Variants in ITIH5 observed in about 807,000 individuals in gnomAD.
ITIH5 encodes the protein inter-alpha-trypsin inhibitor heavy chain H5.
ITIH5 carries 65 observed loss-of-function variants against 77.5 expected under a neutral mutation model. The observed-to-expected ratio is 0.84, with a 90% CI of 0.69 to 1.03. The LOEUF is 1.03. Ranked by LOEUF, ITIH5 falls within the 50% of genes least tolerant of loss-of-function variation. ITIH5 has a pLI of 0.00. For synonymous variants in ITIH5, 525 were observed against 494.3 expected (o/e 1.06, Z -0.82); for missense variants, 1,208 against 1,213.1 (o/e 1.00, Z 0.06).
At chr10:7,587,891 G>A (rs1339465805) in intron 7 of ITIH5, among the ~76,000 whole-genome samples, 1 of 152,090 alleles carries the variant, frequency 6.6e-6, no homozygotes, top group Admixed American at 6.6e-5. Context: ...CAGACAGATG[G>A]CCCCGTCGGC....
chr10:7,600,096 G>A (rs970566555), intron 7 of ITIH5, among the ~76,000 whole-genome samples: 2 of 152,194 alleles, frequency 1.3e-5, no homozygotes, highest in Non-Finnish European at 2.9e-5. Flanking sequence ...AGATCTATGG[G>A]GAAGGAGGGT....
At chr10:7,575,103 C>T (rs1221139059) in intron 10 of ITIH5, among the ~76,000 whole-genome samples, 2 of 152,222 alleles carry the variant, frequency 1.3e-5, no homozygotes, top group South Asian at 2.1e-4. Flanking sequence ...ATTGCAACCT[C>T]GCTATCAGGG....
intron 5 of ITIH5, among the ~76,000 whole-genome samples, chr10:7,633,581 C>T (rs1340998701): frequency 1.3e-5 from 2 of 151,738 alleles, no homozygotes; most frequent in Non-Finnish European, 2.9e-5. Flanking sequence ...TATTTCTATC[C>T]ATAATTAAAT....
intron 7 of ITIH5, among the ~76,000 whole-genome samples, chr10:7,590,319 T>C (rs1018280054): frequency 6.6e-6 from 1 of 152,208 alleles, no homozygotes; most frequent in Admixed American, 6.5e-5. Context: ...CCTGTGACCA[T>C]AAACTGATAT....
In ITIH5 at chr10:7,563,297, C is replaced by A; in HGVS notation, c.2615G>T (p.Gly872Val). The change falls in exon 14 of 14, where the codon GGA becomes GTA. Residue 872 changes from glycine to valine, a missense_variant. Transcript: ENST00000397146. Reference sequence around the variant, plus strand: ...TGTTAGGACGGCCTCAGGCCCCTCTCCCACCTGAAGGAGCAGAGGGTGAGT... The same window carrying A: ...TGTTAGGACGGCCTCAGGCCCCTCTACCACCTGAAGGAGCAGAGGGTGAGT... ...NLTHPLLLQV[G>V]EGPEAVLTVK... is the part of the protein sequence containing the mutation. 6.2e-7 allele frequency: 1 copy of A among 1,614,010 alleles called. No homozygotes were observed. The highest frequency in any genetic ancestry group is 8.5e-7 in the Non-Finnish European group (1 of 1,179,866).
At chr10:7,649,252 TTTCTTCTTTCTTCCCCC>T (rs1030757701) in intron 2 of ITIH5, among the ~76,000 whole-genome samples, 17 of 152,010 alleles carry the variant, frequency 1.1e-4, no homozygotes, top group African/African-American at 4.1e-4. Context: ...TTCTTCCTCC[TTTCTTCTTTCTTCCCCC>T]TTCTTCTTCT....
At chr10:7,646,159 T>C (rs1318124013) in intron 2 of ITIH5, among the ~76,000 whole-genome samples, 1 of 152,252 alleles carries the variant, frequency 6.6e-6, no homozygotes, top group African/African-American at 2.4e-5. Context: ...TGCACCCAGC[T>C]CTGATTTCTA....
intron 7 of ITIH5, among the ~76,000 whole-genome samples, chr10:7,595,307 C>T (rs1564250850): frequency 6.6e-6 from 1 of 151,086 alleles, no homozygotes; most frequent in Non-Finnish European, 1.5e-5. Context: ...TTTTGAAAAT[C>T]GCGCCCAGAT....
At chr10:7,567,176 A>C (rs1337115562) in intron 12 of ITIH5, among the ~76,000 whole-genome samples, 1 of 151,958 alleles carries the variant, frequency 6.6e-6, no homozygotes, top group African/African-American at 2.4e-5. Flanking sequence ...TGGAGGCATG[A>C]AGCTAAGTAT....
At position 7,576,953 on chromosome 10, in the gene ITIH5, C is replaced by T. The variant is rs780071115; in HGVS notation, c.1478G>A (p.Ser493Asn). Residue 493 changes from serine to asparagine, a missense_variant, in exon 10 of 14, where the codon AGC becomes AAC. Coordinates refer to ENST00000397146, the MANE Select transcript of ITIH5 (RefSeq NM_030569.7). ...GGTCTTGGTGGCCTGCACCACTGAG[C>T]TGGGGGGATAATCGATGCGGATGTC... ...LSDIRIDYPP[S>N]SVVQATKTLF... is the part of the protein sequence containing the mutation. 6.2e-7 allele frequency: 1 copy of T among 1,614,088 alleles called. No individual in the cohort carries two copies. Among genetic ancestry groups the T allele is most frequent in the Non-Finnish European group, 8.5e-7 (1 of 1,180,000 alleles).
At chr10:7,665,744 C>T (rs1834351317) in intron 1 of ITIH5, among the ~76,000 whole-genome samples, 2 of 152,214 alleles carry the variant, frequency 1.3e-5, no homozygotes, top group Non-Finnish European at 2.9e-5. Flanking sequence ...AAGGGCTTGC[C>T]CGGAACACAC....
intron 13 of ITIH5, among the ~76,000 whole-genome samples, chr10:7,565,779 T>G (rs1048140520): frequency 2.0e-5 from 3 of 148,628 alleles, no homozygotes; most frequent in Non-Finnish European, 3.0e-5. Flanking sequence ...TATGCATACA[T>G]ACAGACTATA....
At chr10:7,631,074 C>T (rs142553864) in intron 5 of ITIH5, among the ~76,000 whole-genome samples, 568 of 151,862 alleles carry the variant, frequency 3.7e-3, no homozygotes, top group Middle Eastern at 0.014. Flanking sequence ...AACAAAGTGG[C>T]GGGAACTACA....
At position 7,617,215 on chromosome 10, in the gene ITIH5, T is replaced by C. The variant is rs770149636; in HGVS notation, c.720A>G (p.Lys240=). 22 of 1,601,972 alleles carry C rather than the reference T, an allele frequency of 1.4e-5. No homozygotes were observed. In the South Asian group the frequency reaches 2.1e-4, roughly 16 times the overall value. ...QNETFANIIF[K]PTVVQQARIA... ...TCCTGGCTTGTTGTACTACAGTAGG[T>C]TTAAAAATTATGTTGGCAAATGTTT... is the stretch of plus-strand genomic sequence containing the variant. Residue 240 remains lysine (K), a synonymous_variant, in exon 6 of 14, where the codon AAA becomes AAG. Coordinates refer to ENST00000397146, the MANE Select transcript of ITIH5 (RefSeq NM_030569.7).
chr10:7,624,750 C>A (rs1446332848), intron 5 of ITIH5, among the ~76,000 whole-genome samples: 3 of 101,668 alleles, frequency 3.0e-5, no homozygotes, highest in East Asian at 6.7e-4. Flanking sequence ...TGTGTCACTG[C>A]ACTCCAACCT....
At chr10:7,598,169 C>T (rs1228574131) in intron 7 of ITIH5, among the ~76,000 whole-genome samples, 2 of 152,068 alleles carry the variant, frequency 1.3e-5, no homozygotes, top group Non-Finnish European at 2.9e-5. Context: ...CTTTTGTTGC[C>T]CCTCTGCTAC....
chr10:7,597,478 G>A (rs1171959328), intron 7 of ITIH5, among the ~76,000 whole-genome samples: 1 of 152,200 alleles, frequency 6.6e-6, no homozygotes, highest in African/African-American at 2.4e-5. Context: ...GGAAATGTCT[G>A]CCTTCCCAGC....
At chr10:7,618,540 G>C (rs987974705) in intron 5 of ITIH5, 9 of 152,252 alleles carry the variant, frequency 5.9e-5, no homozygotes, top group Admixed American at 2.0e-4. Context: ...CAAAAGATGA[G>C]GTCTGCATGC....
At chr10:7,642,862 T>C (rs1304348330) in intron 2 of ITIH5, among the ~76,000 whole-genome samples, 3 of 152,210 alleles carry the variant, frequency 2.0e-5, no homozygotes, top group Admixed American at 6.5e-5. Context: ...CACAAGCCAC[T>C]GCTAACAGAG....
Sources: allele counts gnomAD v4.1 joint callset (sites outside exome capture counted in the v4.1 genomes callset), GRCh38; gene constraint gnomAD v4.1.1; transcripts MANE v1.5; gene names NCBI Gene and HGNC (gene_info 2026-07-23, HGNC 2026-07-21).